Variants in SKI observed in about 807,000 individuals in gnomAD.
The protein encoded by SKI is SKI proto-oncogene, also known as ski oncogene.
A neutral mutation model predicts 59.3 loss-of-function variants in SKI; 23 were observed. The ratio of observed to expected loss-of-function variants is 0.39; its 90% CI spans 0.28 to 0.55. SKI has a LOEUF of 0.55. Ranked by LOEUF, SKI falls within the 20% of genes least tolerant of loss-of-function variation. SKI has a pLI of 0.67. For synonymous variants in SKI, 673 were observed against 488.6 expected, an observed-to-expected ratio of 1.38 and a Z score of -4.98; for missense variants, 1,017 against 1,038.9, an observed-to-expected ratio of 0.98 and a Z score of 0.29.
intron 1 of SKI, among the ~76,000 whole-genome samples, chr1:2,274,111 G>A (rs1392155892): frequency 1.3e-5 from 2 of 151,608 alleles, no homozygotes; most frequent in African/African-American, 2.4e-5. Context: ...GCACCTCCAG[G>A]TAAGGGGGAT....
Position 2,303,344 on chromosome 1 carries a change from A to G in SKI, c.1155A>G (p.Ala385=), listed in dbSNP as rs1250748194. ...RLSAFRPWSP[A]VSASEKELSP... is the part of the protein sequence containing the mutation. ...CTGCTTTCCGACCCTGGTCCCCCGC[A>G]GTGTCAGCGAGTGAGAAAGAGCTCT... The change falls in exon 3 of 7, where the codon GCA becomes GCG. Residue 385 remains alanine (A), a synonymous_variant. Coordinates refer to ENST00000378536, the MANE Select transcript of SKI (RefSeq NM_003036.4). The surrounding 1 kb of genome is among the most constrained non-coding windows in gnomAD (Gnocchi z 5.6). The G allele has an allele frequency of 6.2e-7, 1 of 1,613,720 alleles. No homozygotes were observed. Among genetic ancestry groups the G allele is most frequent in the Admixed American group, 1.7e-5 (1 of 60,026 alleles).
At chr1:2,241,917 G>A (rs368791520) in intron 1 of SKI, among the ~76,000 whole-genome samples, 4 of 152,234 alleles carry the variant, frequency 2.6e-5, no homozygotes, top group African/African-American at 4.8e-5. Flanking sequence ...ACAGCACTGC[G>A]TGCGATGGAT....
chr1:2,279,113 G>A (rs1047450185), intron 1 of SKI, among the ~76,000 whole-genome samples: 2 of 152,198 alleles, frequency 1.3e-5, no homozygotes, highest in African/African-American at 2.4e-5. Context: ...TGTCCCGGAG[G>A]GGCCTTGCTG....
intron 1 of SKI, among the ~76,000 whole-genome samples, chr1:2,244,244 G>A (rs1001300471): frequency 5.3e-5 from 8 of 151,772 alleles, no homozygotes; most frequent in Non-Finnish European, 7.4e-5. Context: ...GATTACAGGC[G>A]TGAGCCACTG....
At chr1:2,278,818 C>T (rs1308822375) in intron 1 of SKI, among the ~76,000 whole-genome samples, 3 of 152,180 alleles carry the variant, frequency 2.0e-5, no homozygotes, top group African/African-American at 4.8e-5. Context: ...CATGCGCACA[C>T]GTGCACACAG....
intron 5 of SKI, 95 bp downstream of exon 5, chr1:2,304,680 C>T (rs767735093): frequency 1.6e-5 from 24 of 1,456,966 alleles, no homozygotes; most frequent in Non-Finnish European, 2.2e-5. Flanking sequence ...TCCTCCCTTC[C>T]TGGCTGCCCC....
chr1:2,230,427 G>T (rs1638609223), intron 1 of SKI, among the ~76,000 whole-genome samples: 1 of 152,172 alleles, frequency 6.6e-6, no homozygotes, highest in South Asian at 2.1e-4. Flanking sequence ...CGCCGTGTGG[G>T]GTGAGGGCCA....
intron 1 of SKI, among the ~76,000 whole-genome samples, chr1:2,301,823 T>C (rs1290233763): frequency 6.6e-6 from 1 of 152,220 alleles, no homozygotes; most frequent in Non-Finnish European, 1.5e-5. Flanking sequence ...GCAGAGTGAG[T>C]GGGACCTCAC....
rs1444386741 is a variant in SKI, at chr1:2,306,608, C to T, written c.2030C>T (p.Ala677Val). 3 of 1,544,076 alleles carry T rather than the reference C, an allele frequency of 1.9e-6. No individual in the cohort carries two copies. Among genetic ancestry groups the T allele is most frequent in the Non-Finnish European group, 1.7e-6 (2 of 1,145,504 alleles). The change falls in exon 7 of 7, where the codon GCG (alanine) becomes GTG (valine). Residue 677 changes from alanine (A) to valine (V), a missense_variant. Coordinates refer to ENST00000378536, the MANE Select transcript of SKI (RefSeq NM_003036.4). ...GACCTGCAGGTGAAGCTGCAGCACG[C>T]GGAGGCGGACCGGGAGCAGCTGCGG... ...IEDLQVKLQH[A>V]EADREQLRAD...
In SKI at chr1:2,306,758, A is replaced by G; in HGVS notation, c.2180A>G (p.Glu727Gly). Residue 727 changes from glutamate to glycine, a missense_variant, in exon 7 of 7, where the codon GAG becomes GGG. Coordinates refer to ENST00000378536, the MANE Select transcript of SKI (RefSeq NM_003036.4). ...GGCAGCGAGGGCGCTGCGGAGCTGGAGCCGTAGATTCCGTGCCTGCCGCCG... is the reference window on the plus strand; with the variant it reads ...GGCAGCGAGGGCGCTGCGGAGCTGGGGCCGTAGATTCCGTGCCTGCCGCCG... ...AAGSEGAAEL[E>G]P The G allele has an allele frequency of 6.6e-7, 1 of 1,516,996 alleles. No homozygotes were observed. Among genetic ancestry groups the G allele is most frequent in the Non-Finnish European group, 8.8e-7 (1 of 1,136,062 alleles). The allele number at this position is 1,516,996 out of a possible 1,614,324, so 94.0% of individuals were successfully genotyped here.
At chr1:2,261,306 A>G (rs1249372563) in intron 1 of SKI, among the ~76,000 whole-genome samples, 2 of 152,176 alleles carry the variant, frequency 1.3e-5, no homozygotes, top group Non-Finnish European at 2.9e-5. Context: ...CAGTTTGTCA[A>G]TTTCTGTGAA....
chr1:2,303,767 G>T lies in SKI; in HGVS notation c.1212-73G>T. 2.5e-6 allele frequency: 4 copies of T among 1,568,682 alleles called. No individual in the cohort carries two copies. In the South Asian group the frequency reaches 3.4e-5, roughly 13 times the overall value. On this transcript the variant is annotated intron_variant, in intron 3 of 6. Transcript: ENST00000378536. The surrounding 1 kb of genome is among the most constrained non-coding windows in gnomAD (Gnocchi z 5.6). ...TTTCCTGTTTAACACCTTCAGAGGG[G>T]GTGTGCGCCAGGATGTGTCTGGGTG... is the stretch of plus-strand genomic sequence containing the variant.
intron 1 of SKI, among the ~76,000 whole-genome samples, chr1:2,239,418 C>T (rs986750035): frequency 7.2e-5 from 11 of 152,130 alleles, no homozygotes; most frequent in African/African-American, 2.7e-4. Context: ...TCGATGTCTT[C>T]CTTGTCACTG....
chr1:2,228,661 C>T lies in SKI; in HGVS notation c.-106C>T. 7.6e-6 allele frequency: 4 copies of T among 526,732 alleles called. No homozygotes were observed. Among genetic ancestry groups the T allele is most frequent in the Non-Finnish European group, 7.2e-6 (3 of 415,590 alleles). 32.6% of individuals were successfully genotyped at this position (526,732 alleles called of 1,614,324 possible). A position where few individuals can be genotyped will look rare whatever the true frequency, so the allele number is the denominator to read the frequency against. On this transcript the variant is annotated 5_prime_UTR_variant, in exon 1 of 7. Transcript: ENST00000378536. ...GCCGTGAGCCGGCGGCGGGGGGCGG[C>T]CGGGGTCGGGGCCGCGGGCGCCGCC...
rs562254514 is a variant in SKI at position 2,233,568 on chromosome 1, C to T, written c.969+3833C>T. 1.9e-4 allele frequency among the ~76,000 whole-genome samples: 29 copies of T among 152,158 alleles called. No homozygotes were observed. In the South Asian group the frequency reaches 5.8e-3, roughly 31 times the overall value. ...CTTGGTTGGGAAGCTCTGCGCGCTT[C>T]CCAGTGGAGGGTCCGCGACGGGGGT... On this transcript the variant is annotated intron_variant, in intron 1 of 6. Transcript: ENST00000378536.
rs557157137 is a variant in SKI at position 2,229,324 on chromosome 1, C to T, written c.558C>T (p.Cys186=). Residue 186 remains cysteine (C), a synonymous_variant, in exon 1 of 7, where the codon TGC becomes TGT. Transcript: ENST00000378536. This position sits in a 1 kb window ranked among gnomAD's most constrained non-coding sequence, Gnocchi z 6.3. ...LITKTDAERL[C]NALLYGGAYP... ...CCAAGACGGACGCCGAGCGCCTGTG[C>T]AACGCGCTGCTCTACGGCGGCGCCT... is the stretch of plus-strand genomic sequence containing the variant. The T allele has an allele frequency of 1.3e-6, 2 of 1,596,672 alleles. No homozygotes were observed. The highest frequency in any genetic ancestry group is 1.8e-4 in the Middle Eastern group (1 of 5,698).
chr1:2,286,732 C>T (rs1640046904), intron 1 of SKI, among the ~76,000 whole-genome samples: 2 of 152,194 alleles, frequency 1.3e-5, no homozygotes, highest in South Asian at 4.1e-4. Context: ...GGGCTGTGGG[C>T]GCCTGTCTCC....
intron 1 of SKI, among the ~76,000 whole-genome samples, chr1:2,296,075 C>T (rs979682998): frequency 3.9e-5 from 6 of 152,072 alleles, no homozygotes; most frequent in Non-Finnish European, 7.4e-5. Context: ...ATGTCATCAC[C>T]AACACTTGTC....
rs1284584123 is a variant in SKI, at chr1:2,309,134, A to AG, written c.*2372dup. 6.6e-6 allele frequency: 1 copy of AG among 152,290 alleles called. No individual in the cohort carries two copies. Among genetic ancestry groups the AG allele is most frequent in the African/African-American group, 2.4e-5 (1 of 41,448 alleles). 9.4% of individuals were successfully genotyped at this position (152,290 alleles called of 1,614,324 possible). ...GGCCTGAGGGGGCAGCTGTGGCTGC[A>AG]GGGCTGCTCTGGACTGAGGGGTCCC... On this transcript the variant is annotated 3_prime_UTR_variant, in exon 7 of 7. Coordinates refer to ENST00000378536, the MANE Select transcript of SKI (RefSeq NM_003036.4).
Sources: gnomAD v4.1 joint callset for allele counts (sites outside exome capture counted in the v4.1 genomes callset) on GRCh38, gnomAD v4.1.1 for gene constraint, Gnocchi (gnomAD v3.1) non-coding constraint, MANE v1.5 for transcripts, NCBI Gene and HGNC (gene_info 2026-07-23, HGNC 2026-07-21) for gene names.